The following CUL2 variants were observed in gnomAD, a reference collection of about 807,000 sequenced individuals.
CUL2 encodes cullin-2.
A neutral mutation model predicts 110.2 loss-of-function variants in CUL2; 22 were observed. The ratio of observed to expected loss-of-function variants is 0.20; its 90% CI spans 0.14 to 0.28. CUL2 has a LOEUF of 0.28. Among genes scored for constraint, CUL2 ranks in the 10% least tolerant of loss-of-function variants. The probability of loss-of-function intolerance (pLI) is 1.00; values close to 1 mark genes in which losing one functional copy is unlikely to be tolerated. For missense variants in CUL2, 631 were observed against 905.5 expected, an observed-to-expected ratio of 0.70 and a Z score of 3.89; for synonymous variants, 279 against 293.2, an observed-to-expected ratio of 0.95 and a Z score of 0.49.
At chr10:35,105,770 T>A (rs2087447356) in intron 1 of CUL2, among the ~76,000 whole-genome samples, 1 of 150,912 alleles carries the variant, frequency 6.6e-6, no homozygotes, top group Non-Finnish European at 1.5e-5. Flanking sequence ...TAATTAATGT[T>A]CAACAGAAGC....
At chr10:35,050,968 A>G (rs1259407417) in intron 5 of CUL2, among the ~76,000 whole-genome samples, 2 of 152,254 alleles carry the variant, frequency 1.3e-5, no homozygotes, top group African/African-American at 4.8e-5. Context: ...ATCCTTGACA[A>G]CAAGTGGTAC....
At chr10:35,047,607 C>CAAAAAAA (rs61467648) in intron 6 of CUL2, among the ~76,000 whole-genome samples, 1 of 120,166 alleles carries the variant, frequency 8.3e-6, no homozygotes, top group Non-Finnish European at 1.7e-5. Context: ...AAGACTGTCT[C>CAAAAAAA]AAAAAAAAAA....
At chr10:35,055,751 C>T (rs2086226610) in intron 4 of CUL2, among the ~76,000 whole-genome samples, 1 of 151,744 alleles carries the variant, frequency 6.6e-6, no homozygotes, top group Non-Finnish European at 1.5e-5. Context: ...CTTTTTTTTC[C>T]CCTTTAAAAT....
At chr10:35,078,832 G>C (rs946721040) in intron 1 of CUL2, among the ~76,000 whole-genome samples, 8 of 152,094 alleles carry the variant, frequency 5.3e-5, no homozygotes, top group Non-Finnish European at 1.2e-4. Context: ...ATTTATTTCA[G>C]TACTGATCAG....
intron 16 of CUL2, 68 bp from the exon 17 acceptor site, chr10:35,025,266 T>C: frequency 1.3e-6 from 2 of 1,486,730 alleles, no homozygotes; most frequent in South Asian, 2.8e-5. Flanking sequence ...ATTAACACAA[T>C]ACTACAAAAG....
At chr10:35,053,353 ATT>A (rs1464968272) in intron 5 of CUL2, among the ~76,000 whole-genome samples, 3 of 152,192 alleles carry the variant, frequency 2.0e-5, no homozygotes, top group African/African-American at 4.8e-5. Context: ...TATACCTATA[ATT>A]TTGTGTCCAA....
Position 35,029,635 on chromosome 10 carries a change from G to A in CUL2, c.1392C>T (p.Ala464=). The A allele has an allele frequency of 1.3e-6, 2 of 1,580,928 alleles. No homozygotes were observed. Among genetic ancestry groups the A allele is most frequent in the Admixed American group, 2.0e-5 (1 of 50,576 alleles). ...GCTTGCTGGTAAACTCATAACCACA[G>A]GCTTGCTATAAAAAAGTTTTAGAAA... ...EEAMINKLKQ[A]CGYEFTSKLH... Residue 464 remains alanine (A), a synonymous_variant, in exon 15 of 21, where the codon GCC becomes GCT. Coordinates refer to ENST00000374749, the MANE Select transcript of CUL2 (RefSeq NM_003591.4).
intron 2 of CUL2, 70 bp downstream of exon 2, chr10:35,071,129 G>T: frequency 6.9e-7 from 1 of 1,455,500 alleles, no homozygotes; most frequent in South Asian, 1.2e-5. Context: ...CCATAACATT[G>T]AACATGTTCT....
chr10:35,054,548 T>G lies in CUL2; in HGVS notation c.318-9A>C. 1 of 1,428,742 alleles carries G rather than the reference T, an allele frequency of 7.0e-7. No individual in the cohort carries two copies. Among genetic ancestry groups the G allele is most frequent in the Non-Finnish European group, 9.7e-7 (1 of 1,028,144 alleles). The allele number at this position is 1,428,742 out of a possible 1,614,324, so 88.5% of individuals were successfully genotyped here. A position where few individuals can be genotyped will look rare whatever the true frequency, so the allele number is the denominator to read the frequency against. ...ACTGGGTGTTGAGATACCTGGAAAA[T>G]AAATGTAATATCAATGGATATTAAG... On this transcript the variant is annotated splice_polypyrimidine_tract_variant and intron_variant, in intron 4 of 20. Coordinates refer to ENST00000374749, the MANE Select transcript of CUL2 (RefSeq NM_003591.4).
intron 2 of CUL2, among the ~76,000 whole-genome samples, chr10:35,069,377 A>G (rs1289560531): frequency 6.6e-6 from 1 of 151,926 alleles, no homozygotes; most frequent in Non-Finnish European, 1.5e-5. Flanking sequence ...CACCTCTACA[A>G]AAAAATTTTA....
chr10:35,074,272 G>C (rs953381346), intron 1 of CUL2: 1 of 1,386,482 alleles, frequency 7.2e-7, no homozygotes, highest in African/African-American at 1.4e-5. Flanking sequence ...CATTCAGTTT[G>C]GGCTCAACTG....
intron 1 of CUL2, among the ~76,000 whole-genome samples, chr10:35,072,585 G>T (rs1387720104): frequency 6.6e-6 from 1 of 152,096 alleles, no homozygotes; most frequent in East Asian, 1.9e-4. Context: ...AGCCAGGATG[G>T]CCTTCATCTC....
At chr10:35,054,807 T>C (rs1228170425) in intron 4 of CUL2, among the ~76,000 whole-genome samples, 2 of 152,204 alleles carry the variant, frequency 1.3e-5, no homozygotes, top group African/African-American at 4.8e-5. Context: ...CGTTTGCTAC[T>C]TCCCAGACTC....
chr10:35,078,485 G>C (rs968151636), intron 1 of CUL2, among the ~76,000 whole-genome samples: 1 of 151,398 alleles, frequency 6.6e-6, no homozygotes, highest in South Asian at 2.1e-4. Flanking sequence ...TTTTTTAGTA[G>C]AGACGGGGTT....
chr10:35,125,446 CAG>C (rs1491132479), intron 1 of CUL2, among the ~76,000 whole-genome samples: 1 of 152,172 alleles, frequency 6.6e-6, no homozygotes, highest in African/African-American at 2.4e-5. Flanking sequence ...ACTCCTGTTA[CAG>C]AGACAATTGT....
intron 2 of CUL2, among the ~76,000 whole-genome samples, chr10:35,065,558 G>A (rs910618514): frequency 6.6e-6 from 1 of 152,198 alleles, no homozygotes; most frequent in Non-Finnish European, 1.5e-5. Flanking sequence ...GATGGAGGTT[G>A]CAGTGAGCCA....
At chr10:35,069,134 T>C (rs1158868726) in intron 2 of CUL2, among the ~76,000 whole-genome samples, 1 of 152,168 alleles carries the variant, frequency 6.6e-6, no homozygotes, top group Non-Finnish European at 1.5e-5. Flanking sequence ...ATCAAACTGC[T>C]TGAATTGTAG....
intron 20 of CUL2, 53 bp from the exon 21 acceptor site, chr10:35,010,495 A>T (rs2084872668): frequency 1.3e-6 from 2 of 1,542,950 alleles, no homozygotes; most frequent in Non-Finnish European, 1.8e-6. Flanking sequence ...GCTATTAAGT[A>T]ATGACTTTTA....
intron 6 of CUL2, among the ~76,000 whole-genome samples, chr10:35,047,960 A>G (rs1460287556): frequency 6.6e-6 from 1 of 152,040 alleles, no homozygotes; most frequent in Admixed American, 6.6e-5. Context: ...AGATTAGCCC[A>G]GATGTGAATC....
Sources: gnomAD v4.1 joint callset for allele counts (sites outside exome capture counted in the v4.1 genomes callset) on GRCh38, gnomAD v4.1.1 for gene constraint, MANE v1.5 for transcripts, NCBI Gene and HGNC (gene_info 2026-07-23, HGNC 2026-07-21) for gene names.